Variants in LUZP2 observed in about 807,000 individuals in gnomAD.
The protein encoded by LUZP2 is leucine zipper protein 2.
A neutral mutation model predicts 51.6 loss-of-function variants in LUZP2; 52 were observed. The observed-to-expected ratio is 1.01, with a 90% CI of 0.81 to 1.27. The LOEUF (loss-of-function observed/expected upper bound fraction) is 1.27, where lower values mean the gene tolerates loss of function less well. LUZP2 is among the 50% of genes most tolerant of loss of function. The probability of loss-of-function intolerance (pLI) is 0.00; values close to 1 mark genes in which losing one functional copy is unlikely to be tolerated. For synonymous variants in LUZP2, 154 were observed against 137.3 expected (o/e 1.12, Z -0.85); for missense variants, 436 against 395.4 (o/e 1.10, Z -0.87).
chr11:25,035,221 A>G (rs1857815551), intron 9 of LUZP2, among the ~76,000 whole-genome samples: 2 of 152,124 alleles, frequency 1.3e-5, no homozygotes, highest in South Asian at 2.1e-4. Flanking sequence ...AAAGATATCC[A>G]AATAGAAAGA....
intron 4 of LUZP2, among the ~76,000 whole-genome samples, chr11:24,748,789 A>C (rs1014893207): frequency 3.9e-5 from 6 of 152,180 alleles, no homozygotes; most frequent in Non-Finnish European, 5.9e-5. Context: ...ATCACATATC[A>C]GTATATATTT....
intron 1 of LUZP2, among the ~76,000 whole-genome samples, chr11:24,585,691 G>C (rs77193027): frequency 0.014 from 2,111 of 152,078 alleles, 38 homozygotes; most frequent in South Asian, 0.059. Context: ...CATTTCTTAA[G>C]AGACCTTGTC....
intron 9 of LUZP2, among the ~76,000 whole-genome samples, chr11:25,009,394 A>G (rs1375874756): frequency 1.3e-5 from 2 of 152,188 alleles, no homozygotes; most frequent in Non-Finnish European, 2.9e-5. Context: ...TGCATTGCAT[A>G]TATATATTGT....
At chr11:24,540,740 C>T (rs755015919) in intron 1 of LUZP2, among the ~76,000 whole-genome samples, 1 of 152,006 alleles carries the variant, frequency 6.6e-6, no homozygotes, top group Non-Finnish European at 1.5e-5. Context: ...GGAGGATGTA[C>T]TTGCAGATTA....
chr11:25,066,224 A>C (rs539153950), intron 10 of LUZP2, among the ~76,000 whole-genome samples: 98 of 151,984 alleles, frequency 6.4e-4, no homozygotes, highest in Non-Finnish European at 9.0e-4. Context: ...CCAAAAGGCT[A>C]TTTGAAGATG....
chr11:24,548,586 A>G (rs1381789853), intron 1 of LUZP2, among the ~76,000 whole-genome samples: 1 of 151,974 alleles, frequency 6.6e-6, no homozygotes, highest in Non-Finnish European at 1.5e-5. Context: ...GAATTGAAAA[A>G]CTACCTGTCA....
intron 5 of LUZP2, among the ~76,000 whole-genome samples, chr11:24,807,479 A>AAT (rs397934338): frequency 4.6e-5 from 7 of 150,838 alleles, no homozygotes; most frequent in South Asian, 2.1e-4. Flanking sequence ...AAAAAAAAAA[A>AAT]GTCAGGTTAA....
intron 1 of LUZP2, among the ~76,000 whole-genome samples, chr11:24,698,841 A>C (rs1349782928): frequency 6.6e-6 from 1 of 152,002 alleles, no homozygotes; most frequent in Non-Finnish European, 1.5e-5. Flanking sequence ...GAATTACTTG[A>C]GCTCAGGACT....
intron 7 of LUZP2, among the ~76,000 whole-genome samples, chr11:24,942,565 G>A (rs560009647): frequency 6.6e-5 from 10 of 152,002 alleles, no homozygotes; most frequent in African/African-American, 2.2e-4. Context: ...TTTTTATATT[G>A]GATTTTTTGT....
chr11:24,741,256 C>A (rs1030222405), intron 4 of LUZP2, among the ~76,000 whole-genome samples: 1 of 151,890 alleles, frequency 6.6e-6, no homozygotes, highest in Non-Finnish European at 1.5e-5. Context: ...CAAATGGTGT[C>A]TTTATGGGAA....
chr11:24,699,796 A>C (rs2133906879), intron 1 of LUZP2, among the ~76,000 whole-genome samples: 1 of 149,294 alleles, frequency 6.7e-6, no homozygotes, highest in South Asian at 2.1e-4. Context: ...TTTGGGAGTT[A>C]ATAGAATAGA....
intron 9 of LUZP2, among the ~76,000 whole-genome samples, chr11:25,035,866 T>A (rs1289411954): frequency 6.6e-6 from 1 of 152,130 alleles, no homozygotes; most frequent in East Asian, 1.9e-4. Flanking sequence ...GCACTCAGTT[T>A]GCTAATATTT....
intron 10 of LUZP2, among the ~76,000 whole-genome samples, chr11:25,057,474 T>C: frequency 6.6e-6 from 1 of 152,186 alleles, no homozygotes; most frequent in East Asian, 1.9e-4. Context: ...AGCTGCGTTG[T>C]TTAAATGATA....
At chr11:24,601,879 T>G (rs1260421917) in intron 1 of LUZP2, among the ~76,000 whole-genome samples, 3 of 16,920 alleles carry the variant, frequency 1.8e-4, no homozygotes, top group African/African-American at 2.4e-4. Context: ...TATGTATACA[T>G]GTATATATGT....
intron 1 of LUZP2, among the ~76,000 whole-genome samples, chr11:24,669,785 C>T (rs566021365): frequency 1.3e-5 from 2 of 151,880 alleles, no homozygotes; most frequent in East Asian, 1.9e-4. Flanking sequence ...CTAGACTTTT[C>T]GAAGGTGCAT....
At chr11:24,885,319 G>A (rs1440445495) in intron 5 of LUZP2, among the ~76,000 whole-genome samples, 2 of 151,936 alleles carry the variant, frequency 1.3e-5, no homozygotes, top group African/African-American at 2.4e-5. Flanking sequence ...AAAATGTATC[G>A]AGTGCTTACA....
intron 7 of LUZP2, among the ~76,000 whole-genome samples, chr11:24,967,632 C>T (rs4923223): frequency 0.99 from 150,878 of 152,008 alleles, 74,900 homozygotes; most frequent in Middle Eastern, 1. Context: ...CACGTCATAT[C>T]TACTGGCCCT....
Position 24,738,270 on chromosome 11 carries a change from A to T in LUZP2, c.301A>T (p.Thr101Ser), listed in dbSNP as rs753486369. ...GGCCCTGCAAAATCAGCTTAAGGAG[A>T]CATCAGAGAAAGCAGAAAAACACCA... ...QEALQNQLKETSEKAEKHQAT... is the reference protein window; with the variant it reads ...QEALQNQLKESSEKAEKHQAT... Residue 101 changes from threonine (T) to serine (S), a missense_variant, in exon 4 of 12, where the codon ACA becomes TCA. Physicochemically the swap from Thr to Ser is moderately conservative, Grantham distance 58. Transcript: ENST00000336930. 2 of 1,612,578 alleles carry T rather than the reference A, an allele frequency of 1.2e-6. No individual in the cohort carries two copies. The highest frequency in any genetic ancestry group is 1.7e-5 in the Admixed American group (1 of 59,832).
At chr11:24,670,606 T>C (rs1428983172) in intron 1 of LUZP2, among the ~76,000 whole-genome samples, 1 of 151,982 alleles carries the variant, frequency 6.6e-6, no homozygotes, top group Non-Finnish European at 1.5e-5. Flanking sequence ...CACATATTTA[T>C]CTTGGGACAG....
Sources: gnomAD v4.1 joint callset for allele counts (sites outside exome capture counted in the v4.1 genomes callset) on GRCh38, gnomAD v4.1.1 for gene constraint, MANE v1.5 for transcripts, NCBI Gene and HGNC (gene_info 2026-07-23, HGNC 2026-07-21) for gene names.